ESRRG: variants seen among roughly 807,000 people sequenced by gnomAD.
ESRRG encodes estrogen-related receptor gamma.
ESRRG carries 13 observed loss-of-function variants against 44.0 expected under a neutral mutation model. The ratio of observed to expected loss-of-function variants is 0.30; its 90% CI spans 0.19 to 0.47. The LOEUF (loss-of-function observed/expected upper bound fraction) is 0.47, where lower values mean the gene tolerates loss of function less well. ESRRG is among the 20% of genes least tolerant of loss of function. ESRRG has a pLI of 1.00. For missense variants in ESRRG, 395 were observed against 580.6 expected (o/e 0.68, Z 3.29); for synonymous variants, 215 against 214.6 (o/e 1.00, Z -0.02).
At chr1:216,581,824 A>G (rs2062825773) in intron 3 of ESRRG, among the ~76,000 whole-genome samples, 1 of 152,234 alleles carries the variant, frequency 6.6e-6, no homozygotes, top group Admixed American at 6.5e-5. Context: ...AGAAGGCAGC[A>G]ATCCAGATCT....
chr1:216,713,617 G>A (rs1408791872), intron 1 of ESRRG, among the ~76,000 whole-genome samples: 1 of 152,202 alleles, frequency 6.6e-6, no homozygotes, highest in East Asian at 1.9e-4. Flanking sequence ...TCCAGAGAAT[G>A]TACAGCAGAG....
intron 2 of ESRRG, among the ~76,000 whole-genome samples, chr1:216,749,314 G>A (rs1474688848): frequency 6.6e-6 from 1 of 152,006 alleles, no homozygotes; most frequent in Non-Finnish European, 1.5e-5. Context: ...AGACCATACC[G>A]ACGGCACCTG....
intron 3 of ESRRG, among the ~76,000 whole-genome samples, chr1:216,609,306 T>C (rs2060317324): frequency 6.6e-6 from 1 of 152,258 alleles, no homozygotes; most frequent in Non-Finnish European, 1.5e-5. Flanking sequence ...ACTTGAAGCC[T>C]AGCACAATAC....
intron 2 of ESRRG, among the ~76,000 whole-genome samples, chr1:216,652,439 G>A (rs958712902): frequency 6.6e-6 from 1 of 152,072 alleles, no homozygotes; most frequent in Non-Finnish European, 1.5e-5. Context: ...TCAACAAGAA[G>A]TAATACCTAA....
chr1:216,935,319 T>C (rs1041826192), intron 2 of ESRRG, among the ~76,000 whole-genome samples: 1 of 152,210 alleles, frequency 6.6e-6, no homozygotes, highest in Non-Finnish European at 1.5e-5. Context: ...ACAACTGCTG[T>C]TTGATTTAGC....
chr1:216,528,661 C>T (rs1193441074), intron 5 of ESRRG, among the ~76,000 whole-genome samples: 14 of 151,996 alleles, frequency 9.2e-5, no homozygotes, highest in African/African-American at 3.1e-4. Flanking sequence ...TTTAGGCAAT[C>T]CCAACCTAAT....
chr1:216,793,781 T>G lies in ESRRG; in HGVS notation c.-13-116290A>C, dbSNP rs193161598. Reference sequence around the variant, plus strand: ...TTGTTTTGTTTTGCTTTTCTTCTAATTTTTAAGTGACTTGAGGATAGGAGC... The same window carrying G: ...TTGTTTTGTTTTGCTTTTCTTCTAAGTTTTAAGTGACTTGAGGATAGGAGC... On this transcript the variant is annotated intron_variant, in intron 2 of 7. Transcript: ENST00000359162. Among the ~76,000 whole-genome samples, 290 of 152,320 alleles carry G rather than the reference T, an allele frequency of 1.9e-3. 1 individual carries two copies. The highest frequency in any genetic ancestry group is 6.2e-3 in the African/African-American group (258 of 41,576).
At chr1:216,899,712 G>A (rs1361831929) in intron 2 of ESRRG, among the ~76,000 whole-genome samples, 1 of 152,168 alleles carries the variant, frequency 6.6e-6, no homozygotes, top group Non-Finnish European at 1.5e-5. Context: ...GGCACATACA[G>A]AAGCTATCAG....
chr1:216,799,235 C>T (rs774263726), intron 2 of ESRRG, among the ~76,000 whole-genome samples: 10 of 152,000 alleles, frequency 6.6e-5, no homozygotes, highest in Non-Finnish European at 1.3e-4. Flanking sequence ...TCAGGAATTC[C>T]GATAAACATA....
intron 2 of ESRRG, among the ~76,000 whole-genome samples, chr1:216,938,721 A>C (rs1453939453): frequency 6.6e-6 from 1 of 152,178 alleles, no homozygotes; most frequent in Non-Finnish European, 1.5e-5. Flanking sequence ...CCTACTCTGC[A>C]CTGGCCTCTG....
intron 2 of ESRRG, among the ~76,000 whole-genome samples, chr1:216,834,057 G>A (rs1561185): frequency 0.26 from 39,162 of 152,046 alleles, 5,447 homozygotes; most frequent in African/African-American, 0.35. Flanking sequence ...ACATTGTACA[G>A]TTCACACATT....
At chr1:216,872,718 T>C (rs1341399465) in intron 2 of ESRRG, among the ~76,000 whole-genome samples, 1 of 152,180 alleles carries the variant, frequency 6.6e-6, no homozygotes, top group Non-Finnish European at 1.5e-5. Flanking sequence ...TCAGGAGTGT[T>C]TGTGACTGCT....
At chr1:216,920,937 T>TG (rs942449057) in intron 2 of ESRRG, among the ~76,000 whole-genome samples, 1 of 152,184 alleles carries the variant, frequency 6.6e-6, no homozygotes, top group Admixed American at 6.5e-5. Flanking sequence ...GACTCAGAGT[T>TG]GGGCAGCAGA....
At chr1:217,102,210 A>T (rs1305811648) in intron 1 of ESRRG, among the ~76,000 whole-genome samples, 1 of 152,220 alleles carries the variant, frequency 6.6e-6, no homozygotes, top group East Asian at 1.9e-4. Flanking sequence ...GTGTTGTTAC[A>T]TCCATTTTTA....
chr1:216,687,881 T>C (rs1347765311), intron 1 of ESRRG, among the ~76,000 whole-genome samples: 1 of 152,164 alleles, frequency 6.6e-6, no homozygotes, highest in Non-Finnish European at 1.5e-5. Flanking sequence ...GCTTCTGGCA[T>C]TTAAAAAAAT....
Position 216,770,827 on chromosome 1 carries a change from C to T in ESRRG, c.-13-93336G>A, listed in dbSNP as rs76633111. Reference sequence around the variant, plus strand: ...CACTGTCAAGTCCCTACCACAATGACCTGTCTATCCGTTTATCTTTCCATC... The same window carrying T: ...CACTGTCAAGTCCCTACCACAATGATCTGTCTATCCGTTTATCTTTCCATC... On this transcript the variant is annotated intron_variant, in intron 2 of 7. Transcript: ENST00000359162. Among the ~76,000 whole-genome samples the T allele has an allele frequency of 9.0e-3, 1,374 of 152,156 alleles. 3 individuals are homozygous for T. Among genetic ancestry groups the T allele is most frequent in the Non-Finnish European group, 0.014 (978 of 67,982 alleles).
At chr1:216,937,508 C>T (rs887457060) in intron 2 of ESRRG, among the ~76,000 whole-genome samples, 3 of 152,180 alleles carry the variant, frequency 2.0e-5, no homozygotes, top group Non-Finnish European at 2.9e-5. Context: ...TTCTCTCTCC[C>T]ACCCTCTGTG....
chr1:217,054,639 T>A (rs1014445767), intron 1 of ESRRG, among the ~76,000 whole-genome samples: 1 of 152,192 alleles, frequency 6.6e-6, no homozygotes, highest in Non-Finnish European at 1.5e-5. Context: ...CACAACTGTG[T>A]CTATTTAGGT....
chr1:216,923,624 C>G (rs1279147453), intron 2 of ESRRG, among the ~76,000 whole-genome samples: 3 of 152,136 alleles, frequency 2.0e-5, no homozygotes, highest in Non-Finnish European at 4.4e-5. Flanking sequence ...AGATCTTATT[C>G]CAGAGGTTGC....
Sources: allele counts gnomAD v4.1 joint callset (sites outside exome capture counted in the v4.1 genomes callset), GRCh38; gene constraint gnomAD v4.1.1; transcripts MANE v1.5; gene names NCBI Gene and HGNC (gene_info 2026-07-23, HGNC 2026-07-21).